KATNA1: variants seen among roughly 807,000 people sequenced by gnomAD.
KATNA1 encodes the protein katanin catalytic subunit A1, also known as katanin p60 ATPase-containing subunit A1.
Under a neutral mutation model 62.6 loss-of-function variants are expected in KATNA1, and 42 were observed. That is an observed-to-expected ratio of 0.67 (90% CI 0.52 to 0.87). The LOEUF is 0.87. KATNA1 is among the 40% of genes least tolerant of loss of function. The probability of loss-of-function intolerance (pLI) is 0.00; values close to 1 mark genes in which losing one functional copy is unlikely to be tolerated. For synonymous variants in KATNA1, 186 were observed against 201.9 expected (o/e 0.92, Z 0.67); for missense variants, 498 against 612.5 (o/e 0.81, Z 1.97).
chr6:149,608,455 C>CGA (rs1218419850), intron 4 of KATNA1, among the ~76,000 whole-genome samples: 2 of 152,170 alleles, frequency 1.3e-5, no homozygotes, highest in Non-Finnish European at 2.9e-5. Context: ...AAGGAAGGGG[C>CGA]AGTCTAGCAA....
At chr6:149,599,786 G>C (rs1343855090) in intron 7 of KATNA1, among the ~76,000 whole-genome samples, 1 of 152,070 alleles carries the variant, frequency 6.6e-6, no homozygotes, top group African/African-American at 2.4e-5. Flanking sequence ...CCAAAGTGCG[G>C]GGATTACAGG....
At chr6:149,603,064 A>G (rs1384713452) in intron 6 of KATNA1, among the ~76,000 whole-genome samples, 1 of 152,186 alleles carries the variant, frequency 6.6e-6, no homozygotes, top group Non-Finnish European at 1.5e-5. Context: ...TCCAAAGATC[A>G]CATTGTATGT....
intron 1 of KATNA1, among the ~76,000 whole-genome samples, chr6:149,638,781 G>A (rs966206107): frequency 1.6e-5 from 2 of 122,102 alleles, no homozygotes; most frequent in Non-Finnish European, 3.2e-5. Context: ...CTGTGGCCCC[G>A]GCTGGAGCGC....
At chr6:149,648,446 G>T (rs764387149) in intron 1 of KATNA1, 23 bp downstream of exon 1, 1 of 152,258 alleles carries the variant, frequency 6.6e-6, no homozygotes, top group Non-Finnish European at 1.5e-5. Context: ...GGTCCCCAGA[G>T]CACCGCCAGA....
Position 149,640,942 on chromosome 6 carries a change from C to G in KATNA1, c.-13-2382G>C, listed in dbSNP as rs191636154. On this transcript the variant is annotated intron_variant, in intron 1 of 10. Coordinates refer to ENST00000367411, the MANE Select transcript of KATNA1 (RefSeq NM_007044.4). ...CTGGAGTGCAATGGTGCAATCTCGG[C>G]TCACCACAACCTCCGCCTCTCGGGT... 7.7e-3 allele frequency among the ~76,000 whole-genome samples: 1,165 copies of G among 152,224 alleles called. 4 individuals carry two copies. Among genetic ancestry groups the G allele is most frequent in the Non-Finnish European group, 0.013 (883 of 68,024 alleles).
intron 4 of KATNA1, among the ~76,000 whole-genome samples, chr6:149,610,099 CAA>C (rs958933815): frequency 1.8e-3 from 88 of 50,194 alleles, no homozygotes; most frequent in African/African-American, 4.1e-3. Context: ...AACTCCGTCT[CAA>C]AAAAAAAAAA....
intron 4 of KATNA1, among the ~76,000 whole-genome samples, chr6:149,613,166 CGA>C (rs1582770680): frequency 1.2e-5 from 1 of 81,740 alleles, no homozygotes; most frequent in African/African-American, 5.2e-5. Context: ...GGCAACAGAG[CGA>C]GACTCTGTCT....
intron 4 of KATNA1, among the ~76,000 whole-genome samples, chr6:149,620,540 C>G (rs748983274): frequency 9.9e-5 from 15 of 152,102 alleles, no homozygotes; most frequent in Non-Finnish European, 1.8e-4. Context: ...GTGATCTGCC[C>G]GCCTTGGCCT....
Position 149,604,521 on chromosome 6 carries a change from T to A in KATNA1, c.623+140A>T, listed in dbSNP as rs1778660145. On this transcript the variant is annotated intron_variant, in intron 5 of 10. Transcript: ENST00000367411. ...CAGACAAAAATTGGAATAGGCTGAA[T>A]GCAGGGAAGTCATGCTCACGCTGCA... 4.6e-6 allele frequency: 4 copies of A among 875,470 alleles called. No homozygotes were observed. In the African/African-American group the frequency reaches 6.8e-5, roughly 15 times the overall value. The allele number at this position is 875,470 out of a possible 1,614,324, so 54.2% of individuals were successfully genotyped here. A position where few individuals can be genotyped will look rare whatever the true frequency, so the allele number is the denominator to read the frequency against.
chr6:149,604,644 G>A lies in KATNA1; in HGVS notation c.623+17C>T, dbSNP rs369664833. The A allele has an allele frequency of 1.9e-4, 305 of 1,612,854 alleles. No individual in the cohort carries two copies. Among genetic ancestry groups the A allele is most frequent in the Non-Finnish European group, 2.5e-4 (294 of 1,179,114 alleles). ...AGCATCACCAGCACCCAATTATTTG[G>A]TTGTGATATAACTTACCATCGAACA... On this transcript the variant is annotated intron_variant, in intron 5 of 10. Coordinates refer to ENST00000367411, the MANE Select transcript of KATNA1 (RefSeq NM_007044.4).
At chr6:149,623,003 T>C (rs991690310) in intron 4 of KATNA1, 100 bp downstream of exon 4, 1 of 924,798 alleles carries the variant, frequency 1.1e-6, no homozygotes, top group Non-Finnish European at 1.6e-6. Flanking sequence ...AGTGAGACTG[T>C]CTCAAAAAAG....
At chr6:149,598,566 TTA>T (rs1778416119) in intron 7 of KATNA1, among the ~76,000 whole-genome samples, 3 of 151,486 alleles carry the variant, frequency 2.0e-5, no homozygotes, top group African/African-American at 7.3e-5. Context: ...CTACAGAAAA[TTA>T]AAATATTAGT....
intron 7 of KATNA1, among the ~76,000 whole-genome samples, chr6:149,599,612 G>A (rs117937568): frequency 0.03 from 4,566 of 151,746 alleles, 138 homozygotes; most frequent in Admixed American, 0.066. Flanking sequence ...CTGCCACCCC[G>A]GTTCAAGCAA....
rs553238914 is a variant in KATNA1 at position 149,617,406 on chromosome 6, T to C, written c.501+5697A>G. Among the ~76,000 whole-genome samples the C allele has an allele frequency of 8.5e-5, 13 of 152,348 alleles. No homozygotes were observed. The South Asian group carries it at 2.7e-3, about 32-fold the overall frequency. The stretch of plus-strand genomic sequence containing the variant: ...AATTTCTATAGCTTAACAATTAACA[T>C]ACAGACTGAAATTAAAAATACATCA... On this transcript the variant is annotated intron_variant, in intron 4 of 10. Transcript: ENST00000367411.
chr6:149,619,146 A>G (rs900709095), intron 4 of KATNA1, among the ~76,000 whole-genome samples: 2 of 152,136 alleles, frequency 1.3e-5, no homozygotes, highest in African/African-American at 4.8e-5. Flanking sequence ...CCCACAAATA[A>G]TCCAATTAAA....
chr6:149,596,387 T>G (rs1778311013), intron 10 of KATNA1, among the ~76,000 whole-genome samples: 1 of 151,958 alleles, frequency 6.6e-6, no homozygotes, highest in Non-Finnish European at 1.5e-5. Context: ...ATACAAAAAT[T>G]AGCCAGGTGT....
chr6:149,638,252 G>T, intron 2 of KATNA1, 134 bp downstream of exon 2: 1 of 774,394 alleles, frequency 1.3e-6, no homozygotes, highest in Non-Finnish European at 2.0e-6. Flanking sequence ...AGGACTACAG[G>T]AGTGAGCCAC....
intron 4 of KATNA1, among the ~76,000 whole-genome samples, chr6:149,621,192 T>G (rs990514233): frequency 4.0e-5 from 6 of 151,306 alleles, no homozygotes; most frequent in Non-Finnish European, 8.8e-5. Flanking sequence ...GGCGCGATCT[T>G]AGGTCACTGC....
chr6:149,598,162 A>G, intron 8 of KATNA1, 62 bp downstream of exon 8: 7 of 1,585,882 alleles, frequency 4.4e-6, no homozygotes, highest in Non-Finnish European at 6.0e-6. Context: ...GACCCACTGG[A>G]ACTGGAGACA....
Sources: allele counts gnomAD v4.1 joint callset (sites outside exome capture counted in the v4.1 genomes callset), GRCh38; gene constraint gnomAD v4.1.1; transcripts MANE v1.5; gene names NCBI Gene and HGNC (gene_info 2026-07-23, HGNC 2026-07-21).